ZNF607: variants seen among roughly 807,000 people sequenced by gnomAD.
ZNF607 encodes the protein zinc finger protein 607.
ZNF607 carries 5 observed loss-of-function variants against 12.8 expected under a neutral mutation model. That is an observed-to-expected ratio of 0.39 (90% CI 0.20 to 0.82). The LOEUF (loss-of-function observed/expected upper bound fraction) is 0.82, where lower values mean the gene tolerates loss of function less well. Among genes scored for constraint, ZNF607 ranks in the 40% least tolerant of loss-of-function variants. The probability of loss-of-function intolerance (pLI) is 0.39; values close to 1 mark genes in which losing one functional copy is unlikely to be tolerated. For synonymous variants in ZNF607, 287 were observed against 276.2 expected, an observed-to-expected ratio of 1.04 and a Z score of -0.39; for missense variants, 851 against 859.2, an observed-to-expected ratio of 0.99 and a Z score of 0.12.
At chr19:37,713,794 G>C (rs962158253) in intron 1 of ZNF607, among the ~76,000 whole-genome samples, 6 of 152,146 alleles carry the variant, frequency 3.9e-5, no homozygotes, top group African/African-American at 1.2e-4. Context: ...TTTTTAAAAA[G>C]GAAATAACGA....
chr19:37,696,560 T>C lies in ZNF607; in HGVS notation c.*1480A>G, dbSNP rs2044975732. ...CTGGGGTGAGGGCGAAAGGTGGTGT[T>C]ACGAATCATCGGGGCTGTGGCCCAG... On this transcript the variant is annotated 3_prime_UTR_variant, in exon 5 of 5. Transcript: ENST00000355202. The C allele has an allele frequency of 2.0e-6, 1 of 494,414 alleles. No individual in the cohort carries two copies. The highest frequency in any genetic ancestry group is 2.0e-5 in the African/African-American group (1 of 50,636). The allele number at this position is 494,414 out of a possible 1,614,324, so 30.6% of individuals were successfully genotyped here.
Position 37,698,144 on chromosome 19 carries a change from G to C in ZNF607, c.1987C>G (p.His663Asp). 1.9e-6 allele frequency: 3 copies of C among 1,613,988 alleles called. No individual in the cohort carries two copies. Among genetic ancestry groups the C allele is most frequent in the Non-Finnish European group, 2.5e-6 (3 of 1,179,932 alleles). ...AFNSSHELSI[H>D]HRVHTGEKPF... ...TTCTCACCAGTATGAACTCTATGAT[G>C]TATACTAAGTTCATGGCTACTATTA... The change falls in exon 5 of 5, where the codon CAT (histidine) becomes GAT (aspartate). Residue 663 changes from histidine (H) to aspartate (D), a missense_variant. Transcript: ENST00000355202.
chr19:37,698,879 C>A lies in ZNF607; in HGVS notation c.1252G>T (p.Glu418Ter). The A allele has an allele frequency of 6.8e-6, 11 of 1,614,052 alleles. No homozygotes were observed. The highest frequency in any genetic ancestry group is 8.5e-6 in the Non-Finnish European group (10 of 1,179,998). ...LKIHQNIHTG[E>*]KPYKCKECGK... ...CATTCCTTACATTTGTAGGGTTTCTCACCGGTATGAATATTTTGATGTATT... is the reference window on the plus strand; with the variant it reads ...CATTCCTTACATTTGTAGGGTTTCTAACCGGTATGAATATTTTGATGTATT... The change falls in exon 5 of 5, where the codon GAG (glutamate) becomes TAG (stop). Residue 418 changes from glutamate (E) to a stop codon, truncating the protein, a stop_gained. Coordinates refer to ENST00000355202, the MANE Select transcript of ZNF607 (RefSeq NM_032689.5). LOFTEE classifies it low-confidence loss of function (END_TRUNC).
chr19:37,709,504 AAGAT>A (rs1269485195), intron 3 of ZNF607, among the ~76,000 whole-genome samples, 188 bp downstream of exon 3: 3 of 152,204 alleles, frequency 2.0e-5, no homozygotes, highest in Non-Finnish European at 2.9e-5. Flanking sequence ...ATGTCACTGA[AAGAT>A]AGAGAAGATG....
At chr19:37,702,169 C>A (rs960731173) in intron 4 of ZNF607, among the ~76,000 whole-genome samples, 1 of 151,358 alleles carries the variant, frequency 6.6e-6, no homozygotes, top group Non-Finnish European at 1.5e-5. Context: ...CACCTGTAAT[C>A]CCAGCTACTC....
At chr19:37,714,096 G>A (rs1267362264) in intron 1 of ZNF607, among the ~76,000 whole-genome samples, 2 of 151,866 alleles carry the variant, frequency 1.3e-5, no homozygotes, top group Non-Finnish European at 2.9e-5. Flanking sequence ...CGAGGTGGGC[G>A]GATCACGAGG....
At chr19:37,702,495 T>C (rs1167109125) in intron 4 of ZNF607, among the ~76,000 whole-genome samples, 1 of 152,164 alleles carries the variant, frequency 6.6e-6, no homozygotes, top group African/African-American at 2.4e-5. Flanking sequence ...AAGTAAGATA[T>C]GTTACATTTA....
chr19:37,700,852 AC>A (rs879606811), intron 4 of ZNF607, among the ~76,000 whole-genome samples: 2 of 152,158 alleles, frequency 1.3e-5, no homozygotes, highest in Non-Finnish European at 2.9e-5. Flanking sequence ...AGCTAAAGCA[AC>A]CAAAAAAGAA....
intron 1 of ZNF607, among the ~76,000 whole-genome samples, chr19:37,717,463 G>A (rs2045185812): frequency 6.6e-6 from 1 of 151,914 alleles, no homozygotes; most frequent in Non-Finnish European, 1.5e-5. Flanking sequence ...GGGATTACAG[G>A]CGGAAGCCAC....
chr19:37,696,404 C>G lies in ZNF607; in HGVS notation c.*1636G>C, dbSNP rs1166307063. On this transcript the variant is annotated 3_prime_UTR_variant, in exon 5 of 5. Transcript: ENST00000355202. ...AGAAGCTAATGTTTATTGAACGTAA[C>G]AGTATATTTCATGTAGTTTCCCATA... 4.6e-6 allele frequency: 1 copy of G among 219,518 alleles called. No individual in the cohort carries two copies. The highest frequency in any genetic ancestry group is 9.0e-6 in the Non-Finnish European group (1 of 110,598). The allele number at this position is 219,518 out of a possible 1,614,324, so 13.6% of individuals were successfully genotyped here. A position where few individuals can be genotyped will look rare whatever the true frequency, so the allele number is the denominator to read the frequency against.
Position 37,699,388 on chromosome 19 carries a change from G to C in ZNF607, c.743C>G (p.Thr248Ser). ...GTTACATTCAAAGGGCTTCTCACCA[G>C]TGTGAATACTCTGATGTCGACTAAG... The part of the protein sequence containing the change: ...GRLSRHQSIH[T>S]GEKPFECNKC... Residue 248 changes from threonine to serine, a missense_variant, in exon 5 of 5, where the codon ACT becomes AGT. Coordinates refer to ENST00000355202, the MANE Select transcript of ZNF607 (RefSeq NM_032689.5). 6.2e-7 allele frequency: 1 copy of C among 1,613,848 alleles called. No homozygotes were observed.
chr19:37,703,429 AC>A (rs2045056316), intron 4 of ZNF607, among the ~76,000 whole-genome samples: 1 of 152,180 alleles, frequency 6.6e-6, no homozygotes, highest in African/African-American at 2.4e-5. Context: ...GCAAAGATTA[AC>A]ATAGTGAATG....
At position 37,699,838 on chromosome 19, in the gene ZNF607, T is replaced by A; in HGVS notation, c.293A>T (p.His98Leu). The change falls in exon 5 of 5, where the codon CAC (histidine) becomes CTC (leucine). Residue 98 changes from histidine (H) to leucine (L), a missense_variant. By Grantham distance (99) the His-to-Leu change is moderately conservative (BLOSUM62 -3). Coordinates refer to ENST00000355202, the MANE Select transcript of ZNF607 (RefSeq NM_032689.5). Reference protein sequence around the residue: ...SDGKMQLYRKHSCVTLHQRIH... With the variant: ...SDGKMQLYRKLSCVTLHQRIH... ...TCTCTGATGGAGAGTAACACATGAG[T>A]GTTTCCTATAAAGCTGCATTTTCCC... 6.2e-7 allele frequency: 1 copy of A among 1,612,286 alleles called. No individual in the cohort carries two copies. The highest frequency in any genetic ancestry group is 8.5e-7 in the Non-Finnish European group (1 of 1,179,398).
intron 1 of ZNF607, among the ~76,000 whole-genome samples, 151 bp from the exon 2 acceptor site, chr19:37,711,843 T>C (rs1165714153): frequency 6.6e-6 from 1 of 152,156 alleles, no homozygotes; most frequent in Non-Finnish European, 1.5e-5. Flanking sequence ...ATAAACCCAT[T>C]TCCTCCCCCA....
intron 1 of ZNF607, 41 bp downstream of exon 1, chr19:37,719,226 GAC>G (rs1251143328): frequency 1.3e-5 from 2 of 153,154 alleles, no homozygotes; most frequent in East Asian, 1.9e-4. Context: ...CTTTACAAAG[GAC>G]ACACACGGCA....
At position 37,696,498 on chromosome 19, in the gene ZNF607, C is replaced by A. The variant is rs1365697041; in HGVS notation, c.*1542G>T. ...ATCTGAAGTGATTTTACCTTTACTT[C>A]CTTCACTTTAAGCCAATCATGAAAT... On this transcript the variant is annotated 3_prime_UTR_variant, in exon 5 of 5. Transcript: ENST00000355202. 5 of 377,286 alleles carry A rather than the reference C, an allele frequency of 1.3e-5. No homozygotes were observed. The highest frequency in any genetic ancestry group is 2.5e-5 in the Non-Finnish European group (5 of 203,766). 23.4% of individuals were successfully genotyped at this position (377,286 alleles called of 1,614,324 possible).
intron 1 of ZNF607, among the ~76,000 whole-genome samples, chr19:37,716,681 C>A (rs2045179072): frequency 6.6e-6 from 1 of 152,154 alleles, no homozygotes; most frequent in Non-Finnish European, 1.5e-5. Flanking sequence ...TCTCTCTGGG[C>A]AGGGAGGTTT....
At chr19:37,711,803 A>C in intron 1 of ZNF607, 111 bp from the exon 2 acceptor site, 4 of 569,856 alleles carry the variant, frequency 7.0e-6, no homozygotes, top group East Asian at 2.8e-5. Context: ...ACCTCCTCTC[A>C]CATACAATTT....
intron 3 of ZNF607, 143 bp from the exon 4 acceptor site, chr19:37,708,155 C>T: frequency 1.6e-6 from 1 of 617,446 alleles, no homozygotes; most frequent in Non-Finnish European, 2.6e-6. Context: ...AAAAGATCAC[C>T]CAGGGAGAGT....
Sources: allele counts gnomAD v4.1 joint callset (sites outside exome capture counted in the v4.1 genomes callset), GRCh38; gene constraint gnomAD v4.1.1; transcripts MANE v1.5; gene names NCBI Gene and HGNC (gene_info 2026-07-23, HGNC 2026-07-21).